The following WWOX variants were observed in gnomAD, a reference collection of about 807,000 sequenced individuals.
The protein encoded by WWOX is WW domain-containing oxidoreductase.
Under a neutral mutation model 46.2 loss-of-function variants are expected in WWOX, and 69 were observed. That is an observed-to-expected ratio of 1.49 (90% CI 1.23 to 1.82). WWOX has a LOEUF of 1.82. WWOX is among the 40% of genes most tolerant of loss of function. The pLI is 0.00. For synonymous variants in WWOX, 359 were observed against 202.6 expected (o/e 1.77, Z -6.56); for missense variants, 919 against 542.6 (o/e 1.69, Z -6.89).
chr16:78,547,877 C>T (rs1035930827), intron 8 of WWOX, among the ~76,000 whole-genome samples: 5 of 152,014 alleles, frequency 3.3e-5, no homozygotes, highest in East Asian at 1.9e-4. Context: ...TATGGCTGGG[C>T]GTGGTGGCTC....
At chr16:79,044,842 T>C (rs2048036478) in intron 8 of WWOX, among the ~76,000 whole-genome samples, 2 of 152,222 alleles carry the variant, frequency 1.3e-5, no homozygotes, top group South Asian at 4.1e-4. Flanking sequence ...TTAACAGCTC[T>C]GTGACCCTGT....
chr16:78,216,356 A>G (rs1344517983), intron 5 of WWOX, among the ~76,000 whole-genome samples: 5 of 152,164 alleles, frequency 3.3e-5, no homozygotes, highest in Non-Finnish European at 7.4e-5. Flanking sequence ...CATTGTTTCC[A>G]AGTGTATTAG....
intron 8 of WWOX, among the ~76,000 whole-genome samples, chr16:78,472,572 G>T (rs545216962): frequency 4.1e-4 from 63 of 152,182 alleles, no homozygotes; most frequent in Non-Finnish European, 8.4e-4. Flanking sequence ...ACTTTGGAAG[G>T]CCAAGGCGGG....
intron 8 of WWOX, among the ~76,000 whole-genome samples, chr16:78,645,124 G>A (rs1255523509): frequency 6.6e-6 from 1 of 152,056 alleles, no homozygotes; most frequent in Admixed American, 6.6e-5. Flanking sequence ...AGTTACAATG[G>A]TCTGCTTGCT....
At chr16:78,575,207 C>G (rs1255229340) in intron 8 of WWOX, among the ~76,000 whole-genome samples, 5 of 146,250 alleles carry the variant, frequency 3.4e-5, no homozygotes, top group Non-Finnish European at 7.5e-5. Context: ...GAGAAACCAT[C>G]TCTGGGTTAG....
At chr16:78,505,392 G>T in intron 8 of WWOX, among the ~76,000 whole-genome samples, 1 of 152,206 alleles carries the variant, frequency 6.6e-6, no homozygotes, top group East Asian at 1.9e-4. Flanking sequence ...GGCCCTCTGA[G>T]TGGGGCTCAG....
intron 8 of WWOX, among the ~76,000 whole-genome samples, chr16:79,163,063 G>C (rs924663081): frequency 7.9e-5 from 12 of 152,188 alleles, no homozygotes; most frequent in South Asian, 2.1e-4. Context: ...AAACACACAG[G>C]ATGAGGCCTC....
chr16:78,960,591 A>T (rs1415818448), intron 8 of WWOX, among the ~76,000 whole-genome samples: 2 of 152,216 alleles, frequency 1.3e-5, no homozygotes, highest in Non-Finnish European at 2.9e-5. Flanking sequence ...CAGGCATGGA[A>T]CAGATCCATT....
chr16:78,630,287 C>G (rs947394217), intron 8 of WWOX, among the ~76,000 whole-genome samples: 1 of 152,140 alleles, frequency 6.6e-6, no homozygotes, highest in East Asian at 1.9e-4. Flanking sequence ...CTGTCGCAAG[C>G]TTGGCTCTTG....
intron 5 of WWOX, among the ~76,000 whole-genome samples, chr16:78,195,508 G>A (rs1455810920): frequency 6.6e-6 from 1 of 151,864 alleles, no homozygotes; most frequent in African/African-American, 2.4e-5. Context: ...GCAGATGCAG[G>A]CTGGACACAT....
chr16:78,484,859 T>C (rs1393160854), intron 8 of WWOX, among the ~76,000 whole-genome samples: 1 of 152,122 alleles, frequency 6.6e-6, no homozygotes, highest in African/African-American at 2.4e-5. Flanking sequence ...TGCCATTGCA[T>C]TTGTCTCCAT....
intron 8 of WWOX, among the ~76,000 whole-genome samples, chr16:79,124,897 A>C (rs2049717794): frequency 6.6e-6 from 1 of 152,186 alleles, no homozygotes; most frequent in Non-Finnish European, 1.5e-5. Flanking sequence ...ACATATTTTA[A>C]TTTAAGGTGG....
intron 8 of WWOX, among the ~76,000 whole-genome samples, chr16:78,586,931 C>T (rs143478516): frequency 2.0e-5 from 3 of 152,268 alleles, no homozygotes; most frequent in East Asian, 1.9e-4. Context: ...TCCCACTTTT[C>T]TTAACCCTAC....
intron 8 of WWOX, among the ~76,000 whole-genome samples, chr16:79,159,916 AG>A (rs1460625086): frequency 2.6e-5 from 4 of 151,872 alleles, no homozygotes; most frequent in African/African-American, 7.3e-5. Flanking sequence ...CTTCATTTGG[AG>A]GGGTGATCTG....
At chr16:78,667,819 G>C (rs2047368363) in intron 8 of WWOX, among the ~76,000 whole-genome samples, 2 of 151,886 alleles carry the variant, frequency 1.3e-5, no homozygotes, top group Admixed American at 6.6e-5. Context: ...GCATCTGTTT[G>C]CCTATGCTAT....
chr16:78,588,188 C>A (rs1470621832), intron 8 of WWOX, among the ~76,000 whole-genome samples: 4 of 152,162 alleles, frequency 2.6e-5, no homozygotes, highest in Non-Finnish European at 5.9e-5. Flanking sequence ...TGGGTGGCTC[C>A]ATTGCTCCAG....
intron 6 of WWOX, among the ~76,000 whole-genome samples, chr16:78,417,709 T>A (rs1410743813): frequency 6.6e-6 from 1 of 152,208 alleles, no homozygotes; most frequent in Admixed American, 6.5e-5. Flanking sequence ...TGCTTTGATT[T>A]GAAGCAGAGT....
At chr16:78,144,721 G>C (rs2034139637) in intron 4 of WWOX, among the ~76,000 whole-genome samples, 1 of 150,736 alleles carries the variant, frequency 6.6e-6, no homozygotes, top group Admixed American at 6.6e-5. Flanking sequence ...GGGTTTTGCT[G>C]TATTGGCCAG....
intron 8 of WWOX, among the ~76,000 whole-genome samples, chr16:79,113,732 A>G (rs1472585095): frequency 6.6e-6 from 1 of 152,172 alleles, no homozygotes; most frequent in African/African-American, 2.4e-5. Context: ...GAGGGCTCGG[A>G]TGGAGCCAAC....
Sources: gnomAD v4.1 joint callset for allele counts (sites outside exome capture counted in the v4.1 genomes callset) on GRCh38, gnomAD v4.1.1 for gene constraint, MANE v1.5 for transcripts, NCBI Gene and HGNC (gene_info 2026-07-23, HGNC 2026-07-21) for gene names.